BCCIP: variants seen among roughly 807,000 people sequenced by gnomAD.
BCCIP encodes BRCA2 and CDKN1A interacting protein, also known as BRCA2 and CDKN1A-interacting protein.
Under a neutral mutation model 32.8 loss-of-function variants are expected in BCCIP, and 23 were observed. The observed-to-expected ratio is 0.70, with a 90% confidence interval of 0.51 to 0.99. The LOEUF (loss-of-function observed/expected upper bound fraction) is 0.99. Among genes scored for constraint, BCCIP ranks in the 50% least tolerant of loss-of-function variants. The pLI, the probability that BCCIP is intolerant of heterozygous loss-of-function variation, is 0.00. For synonymous variants in BCCIP, 144 were observed against 137.6 expected, an observed-to-expected ratio of 1.05 and a Z score of -0.33; for missense variants, 378 against 379.8, an observed-to-expected ratio of 1.00 and a Z score of 0.04.
chr10:125,850,627 T>G (rs10901455), intron 7 of BCCIP, among the ~76,000 whole-genome samples: 1 of 151,940 alleles, frequency 6.6e-6, no homozygotes, highest in Non-Finnish European at 1.5e-5. Flanking sequence ...AATGCTGGGA[T>G]TAGAGGCGTG....
chr10:125,853,023 C>T, intron 7 of BCCIP: 1 of 835,220 alleles, frequency 1.2e-6, no homozygotes, highest in South Asian at 1.8e-5. Flanking sequence ...TCAAATCAAC[C>T]AGGATCTTGG....
At position 125,823,642 on chromosome 10, in the gene BCCIP, G is replaced by A; in HGVS notation, c.85G>A (p.Glu29Lys). ...DPPVQRDEEE[E>K]KEVENEDEDD... The stretch of plus-strand genomic sequence containing the variant: ...CCCAGTCCAGCGCGACGAGGAAGAG[G>A]AAAAAGAAGTCGAAAATGAGGATGA... The change falls in exon 1 of 7, where the codon GAA (glutamate) becomes AAA (lysine). Residue 29 changes from glutamate to lysine, a missense_variant. Transcript: ENST00000278100. 6.2e-7 allele frequency: 1 copy of A among 1,614,156 alleles called. No individual in the cohort carries two copies. The highest frequency in any genetic ancestry group is 1.6e-4 in the Middle Eastern group (1 of 6,062).
downstream of BCCIP, chr10:125,838,893 T>C: frequency 1.6e-6 from 2 of 1,245,452 alleles, no homozygotes; most frequent in East Asian, 2.4e-5. Context: ...CATGGATTTT[T>C]AGTTTTACTT....
rs186732786 is a variant in BCCIP at position 125,834,595 on chromosome 10, A to G, written c.774+649A>G. Among the ~76,000 whole-genome samples, 56 of 151,834 alleles carry G rather than the reference A, an allele frequency of 3.7e-4. No homozygotes were observed. In the East Asian group the frequency reaches 7.8e-3, roughly 21 times the overall value. On this transcript the variant is annotated intron_variant, in intron 6 of 6. Transcript: ENST00000278100. ...AGGCGGGCAGATCACCTGAGGCCAG[A>G]AATTCAAGACCAGCCTGGCCAACAG...
rs1028114573 is a variant in BCCIP, at chr10:125,832,768, G to A, written c.600-1004G>A. ...ATGATTGTGCCTGTGAATAGCCACT[G>A]CACGCCAGCCTGGGCAAAATTACAA... On this transcript the variant is annotated intron_variant, in intron 5 of 6. Transcript: ENST00000278100. Among the ~76,000 whole-genome samples the A allele has an allele frequency of 2.0e-5, 3 of 151,516 alleles. No individual in the cohort carries two copies. In the South Asian group the frequency reaches 6.3e-4, roughly 32 times the overall value.
chr10:125,826,883 C>G (rs1242561068), intron 2 of BCCIP, among the ~76,000 whole-genome samples: 1 of 151,612 alleles, frequency 6.6e-6, no homozygotes, highest in Non-Finnish European at 1.5e-5. Context: ...ACCGTTAGTC[C>G]TAACTCCTCA....
intron 3 of BCCIP, among the ~76,000 whole-genome samples, chr10:125,829,950 G>T (rs1051737347): frequency 2.0e-5 from 3 of 152,206 alleles, no homozygotes; most frequent in African/African-American, 7.2e-5. Flanking sequence ...TCTTAGTAAA[G>T]GGACTACCCA....
downstream of BCCIP, among the ~76,000 whole-genome samples, chr10:125,845,836 G>A (rs1944009781): frequency 6.6e-6 from 1 of 152,242 alleles, no homozygotes; most frequent in South Asian, 2.1e-4. Context: ...TGAGGCAGGC[G>A]GAGGCCAGCT....
At chr10:125,845,992 C>T (rs761647029), downstream of BCCIP, among the ~76,000 whole-genome samples, 18 of 152,346 alleles carry the variant, frequency 1.2e-4, no homozygotes, top group Middle Eastern at 3.4e-3. Flanking sequence ...TCACTCCCAC[C>T]GCCCAGGCCT....
chr10:125,835,026 G>A (rs541458380), intron 6 of BCCIP, among the ~76,000 whole-genome samples: 2 of 151,686 alleles, frequency 1.3e-5, no homozygotes, highest in African/African-American at 2.4e-5. Context: ...CCAGCTACTC[G>A]GGAGGCTGAG....
chr10:125,831,064 G>C (rs903438838), intron 4 of BCCIP, among the ~76,000 whole-genome samples: 5 of 152,204 alleles, frequency 3.3e-5, no homozygotes, highest in African/African-American at 1.2e-4. Context: ...GTAATAAAAA[G>C]TAAACCAGCT....
downstream of BCCIP, among the ~76,000 whole-genome samples, chr10:125,846,727 A>C (rs1944026602): frequency 6.6e-6 from 1 of 152,192 alleles, no homozygotes; most frequent in South Asian, 2.1e-4. Flanking sequence ...ACAACACCAC[A>C]TTATCACTAC....
chr10:125,836,856 CTG>C (rs1448427827), downstream of BCCIP: 4 of 1,613,604 alleles, frequency 2.5e-6, no homozygotes, highest in African/African-American at 5.3e-5. Flanking sequence ...CTGCATAAAT[CTG>C]TTTATTTAAG....
downstream of BCCIP, chr10:125,836,563 T>C (rs1418918624): frequency 1.6e-5 from 22 of 1,366,102 alleles, no homozygotes; most frequent in Non-Finnish European, 2.1e-5. Context: ...ATACACAGTG[T>C]TATTTTCTTC....
At chr10:125,824,450 T>A (rs1854305977) in intron 1 of BCCIP, among the ~76,000 whole-genome samples, 1 of 152,216 alleles carries the variant, frequency 6.6e-6, no homozygotes, top group South Asian at 2.1e-4. Flanking sequence ...GTATAATAAT[T>A]CATGCCCCTC....
chr10:125,837,423 A>G (rs982613563), downstream of BCCIP, among the ~76,000 whole-genome samples: 2 of 152,098 alleles, frequency 1.3e-5, no homozygotes, highest in African/African-American at 4.8e-5. Context: ...TAGCAGCCAC[A>G]GTTATTTTTC....
intron 6 of BCCIP, among the ~76,000 whole-genome samples, chr10:125,835,060 GA>G: frequency 6.6e-6 from 1 of 151,890 alleles, no homozygotes; most frequent in South Asian, 2.1e-4. Context: ...ATAAACCCGG[GA>G]GGCGGAGCTT....
downstream of BCCIP, chr10:125,838,151 C>A: frequency 1.3e-6 from 2 of 1,484,404 alleles, no homozygotes; most frequent in Non-Finnish European, 1.8e-6. Flanking sequence ...GTCATTTACT[C>A]CTACAGGTAT....
At chr10:125,823,772 T>G (rs1854253291) in intron 1 of BCCIP, 50 bp downstream of exon 1, 2 of 1,602,620 alleles carry the variant, frequency 1.2e-6, no homozygotes, top group Non-Finnish European at 1.7e-6. Flanking sequence ...AAAAACTTTT[T>G]GGCAAGCCCA....
Sources: allele counts gnomAD v4.1 joint callset (sites outside exome capture counted in the v4.1 genomes callset), GRCh38; gene constraint gnomAD v4.1.1; transcripts MANE v1.5; gene names NCBI Gene and HGNC (gene_info 2026-07-23, HGNC 2026-07-21).